NTN1: variants seen among roughly 807,000 people sequenced by gnomAD.
NTN1 encodes netrin 1, also known as netrin-1.
Under a neutral mutation model 54.2 loss-of-function variants are expected in NTN1, and 11 were observed. The ratio of observed to expected loss-of-function variants is 0.20; its 90% CI spans 0.13 to 0.34. The LOEUF (loss-of-function observed/expected upper bound fraction) is 0.34, where lower values mean the gene tolerates loss of function less well. Ranked by LOEUF, NTN1 falls within the 10% of genes least tolerant of loss-of-function variation. The probability of loss-of-function intolerance (pLI) is 1.00; values close to 1 mark genes in which losing one functional copy is unlikely to be tolerated. For synonymous variants in NTN1, 371 were observed against 382.0 expected (o/e 0.97, Z 0.33); for missense variants, 740 against 893.1 (o/e 0.83, Z 2.18).
At chr17:9,180,354 G>T (rs2092415101) in intron 4 of NTN1, among the ~76,000 whole-genome samples, 1 of 152,212 alleles carries the variant, frequency 6.6e-6, no homozygotes, top group Admixed American at 6.5e-5. Context: ...AGTGGGTTCT[G>T]TCTTCAATGT....
chr17:9,089,340 G>A (rs1383689154), intron 2 of NTN1, among the ~76,000 whole-genome samples: 5 of 151,888 alleles, frequency 3.3e-5, no homozygotes, highest in African/African-American at 1.2e-4. Context: ...GCTTGAACCC[G>A]GGAGGCGGAG....
At chr17:9,096,679 C>G (rs2092133135) in intron 2 of NTN1, among the ~76,000 whole-genome samples, 1 of 152,202 alleles carries the variant, frequency 6.6e-6, no homozygotes, top group East Asian at 1.9e-4. Context: ...CCCATCATAG[C>G]ATCTTTAATA....
chr17:9,152,260 C>T (rs1179499298), intron 2 of NTN1, among the ~76,000 whole-genome samples: 4 of 152,198 alleles, frequency 2.6e-5, no homozygotes, highest in Admixed American at 2.6e-4. Flanking sequence ...ACTCTGGACA[C>T]ACTATTGCTC....
intron 2 of NTN1, among the ~76,000 whole-genome samples, chr17:9,034,648 C>T (rs2091897790): frequency 6.6e-6 from 1 of 151,880 alleles, no homozygotes; most frequent in East Asian, 1.9e-4. Context: ...GTCTCGAACT[C>T]TTGACCTCAG....
At chr17:9,178,146 G>A (rs972605758) in intron 3 of NTN1, among the ~76,000 whole-genome samples, 3 of 152,190 alleles carry the variant, frequency 2.0e-5, no homozygotes, top group African/African-American at 4.8e-5. Flanking sequence ...GCAGTGAGCC[G>A]AGATTACGCC....
chr17:9,212,579 C>G lies in NTN1; in HGVS notation c.1412-8589C>G, dbSNP rs546010748. ...AGAGCTGGCTGGGTGCCCCTGTTAG[C>G]CCCAGCCTTTCTCCCCTTAAACTCT... On this transcript the variant is annotated intron_variant, in intron 5 of 6. Transcript: ENST00000173229. The surrounding 1 kb of genome is among the most constrained non-coding windows in gnomAD (Gnocchi z 5.5). Among the ~76,000 whole-genome samples, 1 of 152,182 alleles carries G rather than the reference C, an allele frequency of 6.6e-6. No homozygotes were observed. The highest frequency in any genetic ancestry group is 6.5e-5 in the Admixed American group (1 of 15,290).
At chr17:9,062,573 C>T (rs2092002236) in intron 2 of NTN1, among the ~76,000 whole-genome samples, 1 of 152,122 alleles carries the variant, frequency 6.6e-6, no homozygotes, top group African/African-American at 2.4e-5. Context: ...AGCCCTCCTA[C>T]CCTTGGTTTC....
At position 9,240,366 on chromosome 17, in the gene NTN1, G is replaced by A. The variant is rs1443082024; in HGVS notation, c.*398G>A. 6.6e-6 allele frequency: 1 copy of A among 152,300 alleles called. No individual in the cohort carries two copies. The highest frequency in any genetic ancestry group is 1.5e-5 in the Non-Finnish European group (1 of 68,128). 9.4% of individuals were successfully genotyped at this position (152,300 alleles called of 1,614,324 possible). On this transcript the variant is annotated 3_prime_UTR_variant, in exon 7 of 7. Coordinates refer to ENST00000173229, the MANE Select transcript of NTN1 (RefSeq NM_004822.3). The stretch of plus-strand genomic sequence containing the variant: ...ATCGCACAACTGGGGCCCCAGGCGC[G>A]GGGCGTGGATGGCGCGGAGACGTGG...
intron 2 of NTN1, among the ~76,000 whole-genome samples, chr17:9,067,731 G>A (rs2092019791): frequency 1.3e-5 from 2 of 152,170 alleles, no homozygotes; most frequent in Non-Finnish European, 2.9e-5. Flanking sequence ...CTTCAGGCCT[G>A]GATCGGGAGT....
intron 2 of NTN1, among the ~76,000 whole-genome samples, chr17:9,116,850 C>T (rs1310867778): frequency 6.6e-6 from 1 of 151,832 alleles, no homozygotes; most frequent in Non-Finnish European, 1.5e-5. Context: ...GCATATTCCA[C>T]TCTATGAAAG....
At chr17:9,036,042 T>C (rs2091902373) in intron 2 of NTN1, among the ~76,000 whole-genome samples, 1 of 152,058 alleles carries the variant, frequency 6.6e-6, no homozygotes, top group African/African-American at 2.4e-5. Context: ...AAATTATTTG[T>C]AGAGACGGGG....
intron 2 of NTN1, among the ~76,000 whole-genome samples, chr17:9,067,121 G>T (rs1448446197): frequency 1.3e-5 from 2 of 151,356 alleles, no homozygotes; most frequent in African/African-American, 4.9e-5. Context: ...ACAAAAATTA[G>T]CCAGGCATGG....
At chr17:9,105,373 G>GGT (rs570234485) in intron 2 of NTN1, among the ~76,000 whole-genome samples, 2 of 151,720 alleles carry the variant, frequency 1.3e-5, no homozygotes, top group East Asian at 1.9e-4. Context: ...TCTGGAGCCT[G>GGT]GTGTGTGTGT....
chr17:9,100,031 C>T (rs2092144488), intron 2 of NTN1, among the ~76,000 whole-genome samples: 1 of 150,980 alleles, frequency 6.6e-6, no homozygotes, highest in African/African-American at 2.4e-5. Context: ...CCAGGCTGGT[C>T]TTGAACTTCT....
chr17:9,196,827 G>T (rs1205938947), intron 5 of NTN1, among the ~76,000 whole-genome samples: 2 of 152,162 alleles, frequency 1.3e-5, no homozygotes, highest in African/African-American at 2.4e-5. Context: ...ATGAAGCAGA[G>T]ATCTGAAATT....
At chr17:9,230,746 A>T (rs1905782810) in intron 6 of NTN1, among the ~76,000 whole-genome samples, 1 of 151,976 alleles carries the variant, frequency 6.6e-6, no homozygotes, top group African/African-American at 2.4e-5. Context: ...GAGGGGAGAG[A>T]TGGGCCCCAG....
intron 2 of NTN1, among the ~76,000 whole-genome samples, chr17:9,120,797 T>C (rs2092229684): frequency 6.6e-6 from 1 of 152,256 alleles, no homozygotes; most frequent in African/African-American, 2.4e-5. Flanking sequence ...CATGTTGTTT[T>C]TGTACAGCAG....
At chr17:9,021,260 C>T (rs2091845965), upstream of NTN1, among the ~76,000 whole-genome samples, 1 of 151,852 alleles carries the variant, frequency 6.6e-6, no homozygotes, top group South Asian at 2.1e-4. Flanking sequence ...CCTGGCCCGG[C>T]CCAGCCCCCT....
intron 2 of NTN1, among the ~76,000 whole-genome samples, chr17:9,106,246 T>C (rs181493675): frequency 2.0e-4 from 30 of 152,338 alleles, no homozygotes; most frequent in Admixed American, 1.8e-3. Flanking sequence ...CAGTCGTACC[T>C]GACTCTTGGC....
Sources: allele counts gnomAD v4.1 joint callset (sites outside exome capture counted in the v4.1 genomes callset), GRCh38; gene constraint gnomAD v4.1.1; non-coding constraint Gnocchi (gnomAD v3.1); transcripts MANE v1.5; gene names NCBI Gene and HGNC (gene_info 2026-07-23, HGNC 2026-07-21).